The following ACAP2 variants were observed in gnomAD, a reference collection of about 807,000 sequenced individuals.
The protein encoded by ACAP2 is ArfGAP with coiled-coil, ankyrin repeat and PH domains 2.
In ACAP2, 39 loss-of-function variants were observed where a neutral mutation model predicts 115.8. The observed-to-expected ratio is 0.34, with a 90% CI of 0.26 to 0.44. The LOEUF is 0.44. Among genes scored for constraint, ACAP2 ranks in the 20% least tolerant of loss-of-function variants. The probability of loss-of-function intolerance (pLI) is 1.00; values close to 1 mark genes in which losing one functional copy is unlikely to be tolerated. For synonymous variants in ACAP2, 289 were observed against 315.8 expected (o/e 0.92, Z 0.90); for missense variants, 662 against 927.6 (o/e 0.71, Z 3.72).
At chr3:195,355,281 C>CTTTTTT (rs11345721) in intron 4 of ACAP2, among the ~76,000 whole-genome samples, 2 of 126,842 alleles carry the variant, frequency 1.6e-5, no homozygotes, top group African/African-American at 2.9e-5. Context: ...TCTTTTTCTT[C>CTTTTTT]TTTTTTTTTT....
chr3:195,331,198 A>G (rs1359045850), intron 8 of ACAP2, among the ~76,000 whole-genome samples: 2 of 152,104 alleles, frequency 1.3e-5, no homozygotes, highest in African/African-American at 4.8e-5. Context: ...GAATACATGT[A>G]ATCCATGGCA....
rs765234326 is a variant in ACAP2 at position 195,300,044 on chromosome 3, C to CTTTTTTTTTTTTTTTTTTTTTTTTTT, written c.1395+1530_1395+1531insAAAAAAAAAAAAAAAAAAAAAAAAAA. ...CCGTCTTTCTTTTTTCTTTTTTTTT[C>CTTTTTTTTTTTTTTTTTTTTTTTTTT]TTTTTTTTTTTTTTTTTTTTGAGAC... is the stretch of plus-strand genomic sequence containing the variant. On this transcript the variant is annotated intron_variant, in intron 15 of 22. Coordinates refer to ENST00000326793, the MANE Select transcript of ACAP2 (RefSeq NM_012287.6). Among the ~76,000 whole-genome samples the CTTTTTTTTTTTTTTTTTTTTTTTTTT allele has an allele frequency of 8.7e-5, 3 of 34,352 alleles. 1 individual carries two copies. Among genetic ancestry groups the CTTTTTTTTTTTTTTTTTTTTTTTTTT allele is most frequent in the African/African-American group, 2.1e-4 (3 of 14,346 alleles). 22.5% of individuals were successfully genotyped at this position (34,352 alleles called of 152,430 possible).
chr3:195,385,780 T>C (rs1225846201), intron 2 of ACAP2, among the ~76,000 whole-genome samples: 1 of 152,196 alleles, frequency 6.6e-6, no homozygotes, highest in African/African-American at 2.4e-5. Context: ...CACCAAACAG[T>C]TGTGTAACTT....
intron 15 of ACAP2, among the ~76,000 whole-genome samples, chr3:195,300,954 G>A (rs139355789): frequency 2.0e-5 from 3 of 152,310 alleles, no homozygotes; most frequent in African/African-American, 7.2e-5. Context: ...GGAAGTCCCG[G>A]CTGCAGTAAG....
chr3:195,320,794 G>C lies in ACAP2; in HGVS notation c.764C>G (p.Ser255Cys). ...AGCATCTACGTTATATTCTAACTTA[G>C]AATCATCACTGGAGAAATCCTACAC... ...IQQKDFSSDD[S>C]KLEYNVDAAN... The change falls in exon 10 of 23, where the codon TCT becomes TGT. Residue 255 changes from serine (S) to cysteine (C), a missense_variant. Coordinates refer to ENST00000326793, the MANE Select transcript of ACAP2 (RefSeq NM_012287.6). The C allele has an allele frequency of 3.1e-6, 5 of 1,612,588 alleles. No homozygotes were observed. The highest frequency in any genetic ancestry group is 4.2e-6 in the Non-Finnish European group (5 of 1,178,942).
At chr3:195,424,190 G>C (rs1192214160) in intron 1 of ACAP2, among the ~76,000 whole-genome samples, 2 of 140,832 alleles carry the variant, frequency 1.4e-5, no homozygotes, top group Non-Finnish European at 3.0e-5. Context: ...GTGAATAAAT[G>C]ATTTAATATA....
intron 1 of ACAP2, among the ~76,000 whole-genome samples, chr3:195,406,592 A>G (rs562168505): frequency 6.6e-6 from 1 of 152,310 alleles, no homozygotes; most frequent in Non-Finnish European, 1.5e-5. Flanking sequence ...CTGACCTCCC[A>G]AAGTGTTGAG....
At chr3:195,442,248 G>A (rs1030331752) in intron 1 of ACAP2, 1 of 153,226 alleles carries the variant, frequency 6.5e-6, no homozygotes, top group Non-Finnish European at 1.5e-5. Flanking sequence ...CTCTGGCCGG[G>A]GGCACCGCGA....
chr3:195,339,020 T>G (rs1236166298), intron 6 of ACAP2, among the ~76,000 whole-genome samples: 1 of 151,998 alleles, frequency 6.6e-6, no homozygotes, highest in East Asian at 1.9e-4. Flanking sequence ...CGCTTGAGAT[T>G]AGGAGTTTGA....
intron 1 of ACAP2, among the ~76,000 whole-genome samples, chr3:195,432,685 A>G (rs1266460575): frequency 2.0e-5 from 3 of 152,218 alleles, no homozygotes; most frequent in Admixed American, 6.5e-5. Context: ...ATATTTCCAC[A>G]TGAATTTTAG....
At chr3:195,430,493 C>T (rs949227356) in intron 1 of ACAP2, among the ~76,000 whole-genome samples, 12 of 152,248 alleles carry the variant, frequency 7.9e-5, no homozygotes, top group African/African-American at 2.6e-4. Context: ...GTAGGCAGAT[C>T]ACTTGAGGTC....
intron 9 of ACAP2, among the ~76,000 whole-genome samples, chr3:195,322,882 T>C (rs1231283263): frequency 6.6e-6 from 1 of 152,252 alleles, no homozygotes. Flanking sequence ...TATCAGCTAA[T>C]ATTTTGTAGT....
rs1284709339 is a variant in ACAP2, at chr3:195,276,579, T to C, written c.*2749A>G. On this transcript the variant is annotated 3_prime_UTR_variant, in exon 23 of 23. Coordinates refer to ENST00000326793, the MANE Select transcript of ACAP2 (RefSeq NM_012287.6). ...GAGCTAACAGATTAATAATAAGGAATAAGAAACTAATAATAGCAGATAAGT... is the reference window on the plus strand; with the variant it reads ...GAGCTAACAGATTAATAATAAGGAACAAGAAACTAATAATAGCAGATAAGT... The C allele has an allele frequency of 6.6e-6, 1 of 152,140 alleles. No homozygotes were observed. The highest frequency in any genetic ancestry group is 2.4e-5 in the African/African-American group (1 of 41,436). The allele number at this position is 152,140 out of a possible 1,614,324, so 9.4% of individuals were successfully genotyped here. A position where few individuals can be genotyped will look rare whatever the true frequency, so the allele number is the denominator to read the frequency against.
At chr3:195,350,891 C>A (rs1347572092) in intron 4 of ACAP2, among the ~76,000 whole-genome samples, 1 of 151,858 alleles carries the variant, frequency 6.6e-6, no homozygotes, top group Non-Finnish European at 1.5e-5. Context: ...TAGACCTAAA[C>A]TTCCACAAGA....
chr3:195,316,598 T>C (rs1459827242), intron 10 of ACAP2, among the ~76,000 whole-genome samples: 1 of 151,966 alleles, frequency 6.6e-6, no homozygotes, highest in African/African-American at 2.4e-5. Flanking sequence ...AGGGTTTCAC[T>C]GTGTTGGCTA....
At chr3:195,408,966 TACCAAAAA>T (rs1713018244) in intron 1 of ACAP2, among the ~76,000 whole-genome samples, 1 of 152,050 alleles carries the variant, frequency 6.6e-6, no homozygotes, top group Admixed American at 6.6e-5. Context: ...AAAAGCCATA[TACCAAAAA>T]ACCACAGTGA....
intron 2 of ACAP2, among the ~76,000 whole-genome samples, chr3:195,385,483 G>A (rs187672252): frequency 6.7e-4 from 101 of 151,842 alleles, no homozygotes; most frequent in Non-Finnish European, 1.0e-3. Context: ...GGAGGTAAGG[G>A]GCTTGGAACT....
intron 1 of ACAP2, chr3:195,442,345 T>C (rs28451837): frequency 0.016 from 2,775 of 178,554 alleles, 79 homozygotes; most frequent in African/African-American, 0.062. Flanking sequence ...CTAAATGAAC[T>C]GCAAGAGGAT....
intron 11 of ACAP2, 133 bp from the exon 12 acceptor site, chr3:195,307,456 G>T (rs111246666): frequency 1.8e-6 from 1 of 565,680 alleles, no homozygotes; most frequent in African/African-American, 1.9e-5. Context: ...AGAAACAGGG[G>T]TTATCAATAT....
Sources: gnomAD v4.1 joint callset for allele counts (sites outside exome capture counted in the v4.1 genomes callset) on GRCh38, gnomAD v4.1.1 for gene constraint, MANE v1.5 for transcripts, NCBI Gene and HGNC (gene_info 2026-07-23, HGNC 2026-07-21) for gene names.